NPAS3: variants seen among roughly 807,000 people sequenced by gnomAD.
NPAS3 encodes neuronal PAS domain protein 3, also known as neuronal PAS domain-containing protein 3.
Under a neutral mutation model 73.1 loss-of-function variants are expected in NPAS3, and 14 were observed. The ratio of observed to expected loss-of-function variants is 0.19; its 90% confidence interval spans 0.13 to 0.30. NPAS3 has a LOEUF of 0.30. NPAS3 is among the 10% of genes least tolerant of loss of function. The pLI is 1.00. For missense variants in NPAS3, 1,096 were observed against 1,250.0 expected (o/e 0.88, Z 1.86); for synonymous variants, 620 against 541.5 (o/e 1.14, Z -2.01).
chr14:33,366,427 G>T (rs2045847691), intron 3 of NPAS3, among the ~76,000 whole-genome samples: 1 of 152,194 alleles, frequency 6.6e-6, no homozygotes, highest in African/African-American at 2.4e-5. Flanking sequence ...TCCTTGTGTG[G>T]TAGGCACCTG....
intron 6 of NPAS3, among the ~76,000 whole-genome samples, chr14:33,688,535 C>G (rs1233848191): frequency 6.6e-6 from 1 of 152,094 alleles, no homozygotes; most frequent in Non-Finnish European, 1.5e-5. Context: ...AGCAGAGTCA[C>G]AGATGGGCCA....
intron 6 of NPAS3, among the ~76,000 whole-genome samples, chr14:33,720,407 G>T (rs17101771): frequency 6.6e-5 from 10 of 152,216 alleles, no homozygotes; most frequent in Admixed American, 5.9e-4. Flanking sequence ...TTAAGGTGAC[G>T]GTCCCAGCTT....
At chr14:33,034,175 C>T (rs750042728) in intron 1 of NPAS3, among the ~76,000 whole-genome samples, 39 of 151,838 alleles carry the variant, frequency 2.6e-4, no homozygotes, top group Non-Finnish European at 4.7e-4. Flanking sequence ...AGATATACTA[C>T]AGAATTTAGA....
intron 7 of NPAS3, among the ~76,000 whole-genome samples, chr14:33,737,448 C>G (rs541119463): frequency 6.6e-6 from 1 of 152,104 alleles, no homozygotes. Flanking sequence ...CAGATCCCAT[C>G]GAATCATGCA....
chr14:33,749,396 G>A (rs985698486), intron 7 of NPAS3, among the ~76,000 whole-genome samples: 1 of 152,170 alleles, frequency 6.6e-6, no homozygotes, highest in East Asian at 1.9e-4. Context: ...GACCTGAAAT[G>A]TTTAACCTGC....
At chr14:33,091,038 G>A (rs1285089163) in intron 2 of NPAS3, among the ~76,000 whole-genome samples, 1 of 152,106 alleles carries the variant, frequency 6.6e-6, no homozygotes, top group African/African-American at 2.4e-5. Flanking sequence ...GAGAAAGCAG[G>A]AAAGATCTAA....
At chr14:33,217,203 G>A (rs1348441070) in intron 3 of NPAS3, among the ~76,000 whole-genome samples, 1 of 151,960 alleles carries the variant, frequency 6.6e-6, no homozygotes. Flanking sequence ...ATAGCATAAG[G>A]GAAACGGCCC....
chr14:33,587,049 C>A (rs1244134382), intron 5 of NPAS3, among the ~76,000 whole-genome samples: 1 of 152,130 alleles, frequency 6.6e-6, no homozygotes, highest in Admixed American at 6.6e-5. Context: ...TCTCTCCTAG[C>A]CTCTTAAATA....
chr14:33,116,543 T>C (rs1193394713), intron 2 of NPAS3, among the ~76,000 whole-genome samples: 1 of 152,182 alleles, frequency 6.6e-6, no homozygotes, highest in Non-Finnish European at 1.5e-5. Context: ...AGTGCTATAT[T>C]ATAGCAATGC....
chr14:33,466,480 T>C (rs2050530899), intron 4 of NPAS3, among the ~76,000 whole-genome samples: 1 of 152,252 alleles, frequency 6.6e-6, no homozygotes, highest in Admixed American at 6.5e-5. Context: ...AGCAATTGTA[T>C]GCCTTTTGAG....
At chr14:33,516,170 G>C (rs574402516) in intron 4 of NPAS3, among the ~76,000 whole-genome samples, 34 of 152,238 alleles carry the variant, frequency 2.2e-4, no homozygotes, top group Non-Finnish European at 4.7e-4. Context: ...ATAGCAGTCA[G>C]TGGGAAAGCT....
At chr14:33,347,766 A>G (rs2044815248) in intron 3 of NPAS3, among the ~76,000 whole-genome samples, 1 of 152,230 alleles carries the variant, frequency 6.6e-6, no homozygotes, top group African/African-American at 2.4e-5. Flanking sequence ...GATTACTTAT[A>G]ACACCCAATA....
chr14:33,560,313 A>G (rs1420768086), intron 5 of NPAS3, 103 bp downstream of exon 5: 1 of 616,410 alleles, frequency 1.6e-6, no homozygotes, highest in African/African-American at 1.8e-5. Flanking sequence ...GAATTATCAA[A>G]TGTATTATTT....
At chr14:33,161,637 G>A (rs571517947) in intron 2 of NPAS3, among the ~76,000 whole-genome samples, 4 of 152,328 alleles carry the variant, frequency 2.6e-5, no homozygotes, top group African/African-American at 9.6e-5. Context: ...GCAAGCTCAC[G>A]ATGGCTTCCT....
intron 3 of NPAS3, among the ~76,000 whole-genome samples, chr14:33,337,373 G>C (rs2044276722): frequency 6.6e-6 from 1 of 152,018 alleles, no homozygotes; most frequent in East Asian, 1.9e-4. Context: ...GAGTAGCCTT[G>C]ACACCTCTGT....
intron 5 of NPAS3, among the ~76,000 whole-genome samples, chr14:33,660,671 C>A (rs1441446723): frequency 1.3e-5 from 2 of 152,222 alleles, no homozygotes; most frequent in Admixed American, 6.5e-5. Flanking sequence ...GAATTCCTTG[C>A]AACAGGCAGG....
intron 5 of NPAS3, among the ~76,000 whole-genome samples, chr14:33,601,885 T>C (rs2057409691): frequency 6.6e-6 from 1 of 152,186 alleles, no homozygotes; most frequent in African/African-American, 2.4e-5. Context: ...GGATTTGCCT[T>C]CCCACCTGAA....
chr14:33,616,435 A>C (rs2057920134), intron 5 of NPAS3, among the ~76,000 whole-genome samples: 1 of 152,304 alleles, frequency 6.6e-6, no homozygotes, highest in African/African-American at 2.4e-5. Flanking sequence ...GGAAATGCCA[A>C]GGCGGGAGGG....
chr14:33,218,210 G>C (rs1482864773), intron 3 of NPAS3, among the ~76,000 whole-genome samples: 2 of 152,116 alleles, frequency 1.3e-5, no homozygotes, highest in African/African-American at 4.8e-5. Context: ...CATCCAGATG[G>C]TGGCAGAGCA....
Sources: gnomAD v4.1 joint callset for allele counts (sites outside exome capture counted in the v4.1 genomes callset) on GRCh38, gnomAD v4.1.1 for gene constraint, MANE v1.5 for transcripts, NCBI Gene and HGNC (gene_info 2026-07-23, HGNC 2026-07-21) for gene names.